Variants in TMEM26 observed in about 807,000 individuals in gnomAD.
TMEM26 encodes the protein transmembrane protein 26.
A neutral mutation model predicts 28.8 loss-of-function variants in TMEM26; 38 were observed. That is an observed-to-expected ratio of 1.32 (90% CI 1.02 to 1.73). The LOEUF is 1.73. Among genes scored for constraint, TMEM26 ranks in the 40% most tolerant of loss-of-function variants. The pLI, the probability that TMEM26 is intolerant of heterozygous loss-of-function variation, is 0.00. For missense variants in TMEM26, 518 were observed against 447.1 expected (o/e 1.16, Z -1.43); for synonymous variants, 227 against 182.9 (o/e 1.24, Z -1.95).
At chr10:61,436,784 A>G (rs1840015447) in intron 1 of TMEM26, among the ~76,000 whole-genome samples, 1 of 152,232 alleles carries the variant, frequency 6.6e-6, no homozygotes, top group African/African-American at 2.4e-5. Context: ...TGCTAAACCT[A>G]TAAAATAAAA....
intron 1 of TMEM26, among the ~76,000 whole-genome samples, chr10:61,448,549 C>T (rs1038305152): frequency 6.6e-6 from 1 of 151,876 alleles, no homozygotes; most frequent in Non-Finnish European, 1.5e-5. Context: ...ATTCTGATAC[C>T]AGCACATTTG....
intron 4 of TMEM26, among the ~76,000 whole-genome samples, chr10:61,427,649 A>G (rs1296800377): frequency 6.6e-6 from 1 of 152,026 alleles, no homozygotes; most frequent in Non-Finnish European, 1.5e-5. Context: ...CAATTTTATG[A>G]CTGGCCCCAC....
At chr10:61,413,700 A>G (rs1352400714) in intron 4 of TMEM26, 165 bp from the exon 5 acceptor site, 23 of 1,309,450 alleles carry the variant, frequency 1.8e-5, no homozygotes, top group Non-Finnish European at 2.1e-5. Context: ...ATAATAATGG[A>G]ATAATGAAGA....
intron 1 of TMEM26, among the ~76,000 whole-genome samples, chr10:61,440,038 G>A (rs1285082362): frequency 2.6e-5 from 4 of 152,054 alleles, no homozygotes; most frequent in African/African-American, 9.7e-5. Flanking sequence ...TCAGGAGTTC[G>A]CGACCAGCCT....
rs756705585 is a variant in TMEM26 at position 61,410,703 on chromosome 10, G to A, written c.726C>T (p.Phe242=). The A allele has an allele frequency of 1.2e-6, 2 of 1,614,102 alleles. No individual in the cohort carries two copies. Among genetic ancestry groups the A allele is most frequent in the Non-Finnish European group, 1.7e-6 (2 of 1,180,028 alleles). ...VCPVSVTERG[F]PSLFFCQYSA... The stretch of plus-strand genomic sequence containing the variant: ...TGTACTGGCAAAAGAACAGGCTGGG[G>A]AATCCCCTCTCTGTCACAGACACAG... Residue 242 remains phenylalanine (F), a synonymous_variant, in exon 6 of 6, where the codon TTC becomes TTT. Coordinates refer to ENST00000399298, the MANE Select transcript of TMEM26 (RefSeq NM_178505.8).
chr10:61,414,924 A>G (rs1839626279), intron 4 of TMEM26: 1 of 948,140 alleles, frequency 1.1e-6, no homozygotes, highest in African/African-American at 1.8e-5. Flanking sequence ...ATTAAGAAAT[A>G]TTCCAGGTGT....
At chr10:61,416,511 A>G (rs1316595400) in intron 4 of TMEM26, among the ~76,000 whole-genome samples, 1 of 152,062 alleles carries the variant, frequency 6.6e-6, no homozygotes, top group Non-Finnish European at 1.5e-5. Context: ...TATTATTTAA[A>G]CATGTTAAAC....
intron 4 of TMEM26, among the ~76,000 whole-genome samples, chr10:61,419,251 T>C (rs550515144): frequency 1.1e-4 from 16 of 152,078 alleles, no homozygotes; most frequent in African/African-American, 3.4e-4. Context: ...AAAGGAAGTA[T>C]GTGATATATA....
rs1224304118 is a variant in TMEM26, at chr10:61,409,039, T to C, written c.*1283A>G. 6.6e-6 allele frequency: 1 copy of C among 152,316 alleles called. No individual in the cohort carries two copies. The highest frequency in any genetic ancestry group is 3.4e-3 in the Middle Eastern group (1 of 294). 9.4% of individuals were successfully genotyped at this position (152,316 alleles called of 1,614,324 possible). A position where few individuals can be genotyped will look rare whatever the true frequency, so the allele number is the denominator to read the frequency against. On this transcript the variant is annotated 3_prime_UTR_variant, in exon 6 of 6. Transcript: ENST00000399298. The stretch of plus-strand genomic sequence containing the variant: ...GTATACTAATCTGGGGGAATTAGGT[T>C]TTGAACCTAAAAGAACAGTTTTGGA...
intron 1 of TMEM26, among the ~76,000 whole-genome samples, chr10:61,447,701 T>C (rs1840207927): frequency 6.6e-6 from 1 of 152,110 alleles, no homozygotes; most frequent in South Asian, 2.1e-4. Context: ...TGAGGGTATG[T>C]CAGAAATATT....
chr10:61,420,956 A>G (rs1839736313), intron 4 of TMEM26, among the ~76,000 whole-genome samples: 1 of 152,072 alleles, frequency 6.6e-6, no homozygotes, highest in Non-Finnish European at 1.5e-5. Context: ...ATATAGAACA[A>G]CAATTATAAC....
At chr10:61,437,324 A>G (rs998211539) in intron 1 of TMEM26, among the ~76,000 whole-genome samples, 3 of 152,170 alleles carry the variant, frequency 2.0e-5, no homozygotes, top group Non-Finnish European at 2.9e-5. Context: ...CAGCAGTTAC[A>G]TTTATCTCAC....
At chr10:61,431,177 C>T in intron 3 of TMEM26, 42 bp downstream of exon 3, 3 of 1,524,026 alleles carry the variant, frequency 2.0e-6, no homozygotes, top group Non-Finnish European at 2.7e-6. Context: ...ACCAAGTCCA[C>T]CATTTTCTAG....
At chr10:61,426,649 G>T (rs1000186845) in intron 4 of TMEM26, among the ~76,000 whole-genome samples, 6 of 151,986 alleles carry the variant, frequency 3.9e-5, no homozygotes, top group Admixed American at 6.6e-5. Context: ...CTAAACTATG[G>T]AATAAAACAT....
At position 61,437,013 on chromosome 10, in the gene TMEM26, A is replaced by G. The variant is rs544649466; in HGVS notation, c.192-765T>C. ...AACTCAGGCTGCTGTACAAAATACCATAGACTATGTGACTTAAACTACAGA... is the reference window on the plus strand; with the variant it reads ...AACTCAGGCTGCTGTACAAAATACCGTAGACTATGTGACTTAAACTACAGA... On this transcript the variant is annotated intron_variant, in intron 1 of 5. Coordinates refer to ENST00000399298, the MANE Select transcript of TMEM26 (RefSeq NM_178505.8). 3.9e-5 allele frequency among the ~76,000 whole-genome samples: 6 copies of G among 152,316 alleles called. No individual in the cohort carries two copies. In the South Asian group the frequency reaches 1.0e-3, roughly 26 times the overall value.
At chr10:61,442,357 T>C (rs1324417528) in intron 1 of TMEM26, among the ~76,000 whole-genome samples, 1 of 152,152 alleles carries the variant, frequency 6.6e-6, no homozygotes, top group African/African-American at 2.4e-5. Context: ...AAAAATAACA[T>C]CCATTCATTT....
At chr10:61,439,697 G>C (rs536567376) in intron 1 of TMEM26, among the ~76,000 whole-genome samples, 1 of 152,198 alleles carries the variant, frequency 6.6e-6, no homozygotes, top group Admixed American at 6.5e-5. Context: ...TGTAAAATGG[G>C]GAAAATAATA....
chr10:61,438,541 C>T (rs1216824372), intron 1 of TMEM26, among the ~76,000 whole-genome samples: 1 of 152,136 alleles, frequency 6.6e-6, no homozygotes, highest in Non-Finnish European at 1.5e-5. Context: ...AAACCATAGC[C>T]TGAACATACA....
intron 4 of TMEM26, chr10:61,415,097 G>C (rs558006277): frequency 1.0e-6 from 1 of 985,084 alleles, no homozygotes; most frequent in East Asian, 1.1e-4. Context: ...ATAGAACGTG[G>C]ATAGAAAACC....
Sources: gnomAD v4.1 joint callset for allele counts (sites outside exome capture counted in the v4.1 genomes callset) on GRCh38, gnomAD v4.1.1 for gene constraint, MANE v1.5 for transcripts, NCBI Gene and HGNC (gene_info 2026-07-23, HGNC 2026-07-21) for gene names.